RPL3L: variants seen among roughly 807,000 people sequenced by gnomAD.
The protein encoded by RPL3L is ribosomal protein L3 like.
Under a neutral mutation model 44.5 loss-of-function variants are expected in RPL3L, and 44 were observed. The observed-to-expected ratio is 0.99, with a 90% CI of 0.78 to 1.27. RPL3L has a LOEUF of 1.27. Among genes scored for constraint, RPL3L ranks in the 50% most tolerant of loss-of-function variants. The pLI is 0.00. For synonymous variants in RPL3L, 292 were observed against 230.7 expected (o/e 1.27, Z -2.41); for missense variants, 631 against 569.1 (o/e 1.11, Z -1.11).
In RPL3L at chr16:1,944,822, T is replaced by C. The variant is rs2083108207; in HGVS notation, c.*15A>G. The C allele has an allele frequency of 6.2e-7, 1 of 1,614,020 alleles. No homozygotes were observed. Among genetic ancestry groups the C allele is most frequent in the Non-Finnish European group, 8.5e-7 (1 of 1,179,990 alleles). ...ACAGTGCGGTGCGCTTCAGGGTTCA[T>C]CCACCCCACACAGCCTACAAGTCTC... On this transcript the variant is annotated 3_prime_UTR_variant, in exon 10 of 10. Transcript: ENST00000268661.
chr16:1,949,973 A>G (rs2083159594), intron 4 of RPL3L, among the ~76,000 whole-genome samples: 1 of 111,654 alleles, frequency 9.0e-6, no homozygotes, highest in Non-Finnish European at 1.8e-5. Context: ...GCAGGTATGG[A>G]CGGGGCAGGT....
At chr16:1,947,922 G>T (rs867104708) in intron 4 of RPL3L, among the ~76,000 whole-genome samples, 1 of 151,056 alleles carries the variant, frequency 6.6e-6, no homozygotes, top group Non-Finnish European at 1.5e-5. Context: ...TGCAGGCTGC[G>T]ATGTGATCTG....
chr16:1,953,281 G>T (rs569783784), intron 2 of RPL3L, among the ~76,000 whole-genome samples: 1 of 152,320 alleles, frequency 6.6e-6, no homozygotes, highest in South Asian at 2.1e-4. Flanking sequence ...ATGCAGTGGT[G>T]CAATCATAGC....
Position 1,945,937 on chromosome 16 carries a change from A to G in RPL3L, c.952-7T>C. 3 of 1,606,792 alleles carry G rather than the reference A, an allele frequency of 1.9e-6. No individual in the cohort carries two copies. The highest frequency in any genetic ancestry group is 2.6e-6 in the Non-Finnish European group (3 of 1,176,364). ...CGTAGTGGGGGAAGCCACCCTGCAG[A>G]GGACACAGGTCAGAGGCCAGGCCCG... On this transcript the variant is annotated splice_polypyrimidine_tract_variant and splice_region_variant and intron_variant, in intron 7 of 9. Coordinates refer to ENST00000268661, the MANE Select transcript of RPL3L (RefSeq NM_005061.3).
At chr16:1,945,689 C>G (rs184089209) in intron 8 of RPL3L, 71 bp from the exon 9 acceptor site, 1 of 1,608,316 alleles carries the variant, frequency 6.2e-7, no homozygotes, top group African/African-American at 1.3e-5. Context: ...CCTCCAAGCC[C>G]CACCAGGAAG....
At chr16:1,949,473 G>A (rs956099621) in intron 4 of RPL3L, among the ~76,000 whole-genome samples, 4 of 150,404 alleles carry the variant, frequency 2.7e-5, no homozygotes, top group African/African-American at 4.9e-5. Context: ...GGCTGGTCTC[G>A]AACTCCTGAC....
At position 1,952,905 on chromosome 16, in the gene RPL3L, C is replaced by T; in HGVS notation, c.334G>A (p.Asp112Asn). 1 of 1,614,008 alleles carries T rather than the reference C, an allele frequency of 6.2e-7. No homozygotes were observed. The highest frequency in any genetic ancestry group is 2.2e-5 in the East Asian group (1 of 44,868). ...TTGTAGAATCGGCGCCGGCACTCAT[C>T]ACTGAGGTGTTCTGCAAAGATGGTC... ...FKTIFAEHLSDECRRRFYKDW... is the reference protein window; with the variant it reads ...FKTIFAEHLSNECRRRFYKDW... The change falls in exon 3 of 10, where the codon GAT becomes AAT. Residue 112 changes from aspartate (D) to asparagine (N), a missense_variant. Coordinates refer to ENST00000268661, the MANE Select transcript of RPL3L (RefSeq NM_005061.3).
intron 2 of RPL3L, 61 bp from the exon 3 acceptor site, chr16:1,953,103 G>C (rs1004660375): frequency 1.2e-5 from 19 of 1,520,248 alleles, no homozygotes; most frequent in Non-Finnish European, 1.7e-5. Context: ...GGGGGAGGGA[G>C]TGGAGAGCCG....
intron 4 of RPL3L, among the ~76,000 whole-genome samples, chr16:1,948,588 G>A (rs1255365999): frequency 1.3e-5 from 2 of 152,028 alleles, no homozygotes; most frequent in East Asian, 1.9e-4. Flanking sequence ...AGGCTGGAGT[G>A]CAGTGGCATG....
At position 1,945,565 on chromosome 16, in the gene RPL3L, G is replaced by A. The variant is rs761023795; in HGVS notation, c.1101C>T (p.Phe367=). ...GGCCGAACTTGGAGGTGGTGTCAATGAACTTGAGCTCAATATTCTCCACGG... is the reference window on the plus strand; with the variant it reads ...GGCCGAACTTGGAGGTGGTGTCAATAAACTTGAGCTCAATATTCTCCACGG... The part of the protein sequence containing the change: ...RQAVENIELK[F]IDTTSKFGHG... Residue 367 remains phenylalanine (F), a synonymous_variant, in exon 9 of 10, where the codon TTC becomes TTT. Coordinates refer to ENST00000268661, the MANE Select transcript of RPL3L (RefSeq NM_005061.3). 1.2e-6 allele frequency: 2 copies of A among 1,613,762 alleles called. No individual in the cohort carries two copies. Among genetic ancestry groups the A allele is most frequent in the Non-Finnish European group, 8.5e-7 (1 of 1,179,966 alleles).
intron 7 of RPL3L, 55 bp from the exon 8 acceptor site, chr16:1,945,985 G>C (rs2083118660): frequency 6.7e-7 from 1 of 1,492,790 alleles, no homozygotes. Flanking sequence ...GAGTTAGTGG[G>C]TGGCTGGGGG....
At chr16:1,948,127 C>T (rs1213922531) in intron 4 of RPL3L, among the ~76,000 whole-genome samples, 2 of 151,660 alleles carry the variant, frequency 1.3e-5, no homozygotes, top group Non-Finnish European at 2.9e-5. Flanking sequence ...TTAGTTGAGA[C>T]AGGGTTTCAC....
At chr16:1,948,584 G>C (rs936107649) in intron 4 of RPL3L, among the ~76,000 whole-genome samples, 4 of 151,994 alleles carry the variant, frequency 2.6e-5, no homozygotes, top group Non-Finnish European at 5.9e-5. Flanking sequence ...ACCCAGGCTG[G>C]AGTGCAGTGG....
chr16:1,947,182 ACT>A lies in RPL3L; in HGVS notation c.688+10_688+11del. 3 of 1,612,608 alleles carry A rather than the reference ACT, an allele frequency of 1.9e-6. No individual in the cohort carries two copies. The highest frequency in any genetic ancestry group is 2.5e-6 in the Non-Finnish European group (3 of 1,179,368). On this transcript the variant is annotated intron_variant, in intron 5 of 9. Coordinates refer to ENST00000268661, the MANE Select transcript of RPL3L (RefSeq NM_005061.3). ...AGCCTGCCCTGGAGCTGCCATCCTC[ACT>A]GAGCCCTACCTTTGACGCCTCGACC... is the stretch of plus-strand genomic sequence containing the variant.
chr16:1,954,144 T>C lies in RPL3L; in HGVS notation c.8A>G (p.His3Arg). 6.3e-7 allele frequency: 1 copy of C among 1,579,968 alleles called. No individual in the cohort carries two copies. Among genetic ancestry groups the C allele is most frequent in the Non-Finnish European group, 8.6e-7 (1 of 1,162,530 alleles). MS[H>R]RKFSAPRHGH... is the part of the protein sequence containing the mutation. ...GTGCCGAGGGGCGGAAAACTTCCGG[T>C]GGGACTGGGGGGCAGGAAGGAAGGA... The change falls in exon 2 of 10, where the codon CAC becomes CGC. Residue 3 changes from histidine (H) to arginine (R), a missense_variant. Coordinates refer to ENST00000268661, the MANE Select transcript of RPL3L (RefSeq NM_005061.3).
Position 1,947,039 on chromosome 16 carries a change from T to C in RPL3L, c.748A>G (p.Lys250Glu). The C allele has an allele frequency of 6.2e-7, 1 of 1,613,120 alleles. No individual in the cohort carries two copies. The highest frequency in any genetic ancestry group is 8.5e-7 in the Non-Finnish European group (1 of 1,179,894). ...TGCCAGGCGCCAATGCAGGCCACCT[T>C]GCGCAGGCCCTTATGGGTCTTCCGC... ...LPRKTHKGLR[K>E]VACIGAWHPA... The change falls in exon 6 of 10, where the codon AAG (lysine) becomes GAG (glutamate). Residue 250 changes from lysine to glutamate, a missense_variant. Physicochemically the swap from Lys to Glu is moderately conservative, Grantham distance 56. Transcript: ENST00000268661.
chr16:1,950,855 C>T lies in RPL3L; in HGVS notation c.490G>A (p.Val164Ile). Residue 164 changes from valine to isoleucine, a missense_variant, in exon 4 of 10, where the codon GTC becomes ATC. By Grantham distance (29) the Val-to-Ile change is conservative (BLOSUM62 3). Transcript: ENST00000268661. ...KKYCKVIRVI[V>I]HTQMKLLPFR... Reference sequence around the variant, plus strand: ...GGCCGGGGGCTGACCTGAGTGTGGACAATGACCCGAATGACCTTGCAGTAC... The same window carrying T: ...GGCCGGGGGCTGACCTGAGTGTGGATAATGACCCGAATGACCTTGCAGTAC... The T allele has an allele frequency of 1.2e-6, 2 of 1,614,074 alleles. No homozygotes were observed. The highest frequency in any genetic ancestry group is 1.7e-6 in the Non-Finnish European group (2 of 1,179,964).
At chr16:1,948,003 T>G (rs2083137774) in intron 4 of RPL3L, among the ~76,000 whole-genome samples, 1 of 149,942 alleles carries the variant, frequency 6.7e-6, no homozygotes, top group Non-Finnish European at 1.5e-5. Context: ...AATGGCATGA[T>G]CTCGGCTCAC....
chr16:1,946,937 C>A lies in RPL3L; in HGVS notation c.849+1G>T. On this transcript the variant is annotated splice_donor_variant, in intron 6 of 9. Coordinates refer to ENST00000268661, the MANE Select transcript of RPL3L (RefSeq NM_005061.3). LOFTEE classifies it high-confidence loss of function. ...TCCCCGTACCCCGGCTGAGGACGCA[C>A]CTTCTTGTTGAGCTCCGTGCGGTGG... 5.6e-6 allele frequency: 9 copies of A among 1,597,766 alleles called. No individual in the cohort carries two copies. The highest frequency in any genetic ancestry group is 1.3e-5 in the African/African-American group (1 of 74,580).
Sources: gnomAD v4.1 joint callset for allele counts (sites outside exome capture counted in the v4.1 genomes callset) on GRCh38, gnomAD v4.1.1 for gene constraint, MANE v1.5 for transcripts, NCBI Gene and HGNC (gene_info 2026-07-23, HGNC 2026-07-21) for gene names.